The following DCAF6 variants were observed in gnomAD, a reference collection of about 807,000 sequenced individuals.
DCAF6 encodes DDB1 and CUL4 associated factor 6, also known as DDB1- and CUL4-associated factor 6.
In DCAF6, 54 loss-of-function variants were observed where a neutral mutation model predicts 125.1. The observed-to-expected ratio is 0.43, with a 90% confidence interval of 0.35 to 0.54. DCAF6 has a LOEUF of 0.54. DCAF6 is among the 20% of genes least tolerant of loss of function. The probability of loss-of-function intolerance (pLI) is 0.01; values close to 1 mark genes in which losing one functional copy is unlikely to be tolerated. For synonymous variants in DCAF6, 371 were observed against 390.4 expected, an observed-to-expected ratio of 0.95 and a Z score of 0.58; for missense variants, 934 against 1,161.7, an observed-to-expected ratio of 0.80 and a Z score of 2.85.
the DCAF6 span, chr1:167,878,321 C>T: frequency 9.3e-7 from 1 of 1,075,480 alleles, no homozygotes. Flanking sequence ...GGGCCTTGGT[C>T]TGGGGAAAGC....
At chr1:168,051,112 T>G (rs1352611958) in intron 17 of DCAF6, among the ~76,000 whole-genome samples, 179 bp downstream of exon 17, 6 of 152,354 alleles carry the variant, frequency 3.9e-5, no homozygotes, top group Non-Finnish European at 8.8e-5. Flanking sequence ...CTGCATGCAC[T>G]GCATGGGGAT....
intron 3 of DCAF6, among the ~76,000 whole-genome samples, chr1:167,973,115 C>G (rs12073929): frequency 0.14 from 21,137 of 152,102 alleles, 1,956 homozygotes; most frequent in African/African-American, 0.26. Context: ...TCTCTGACAG[C>G]GTTAAAGAAC....
At chr1:167,918,319 T>C in the DCAF6 span, 1 of 1,565,696 alleles carries the variant, frequency 6.4e-7, no homozygotes, top group Non-Finnish European at 8.8e-7. Context: ...GATCAGGAAC[T>C]CTTTTATTTG....
intron 17 of DCAF6, among the ~76,000 whole-genome samples, chr1:168,059,606 A>G (rs913585779): frequency 5.3e-5 from 8 of 152,204 alleles, no homozygotes; most frequent in African/African-American, 1.9e-4. Context: ...AAAATTGTTT[A>G]TCTTTACAAT....
At chr1:167,952,150 T>C (rs1049263060) in intron 2 of DCAF6, among the ~76,000 whole-genome samples, 1 of 152,188 alleles carries the variant, frequency 6.6e-6, no homozygotes, top group Non-Finnish European at 1.5e-5. Context: ...TCTTAGAAAC[T>C]AGACATATCA....
intron 2 of DCAF6, among the ~76,000 whole-genome samples, chr1:167,963,347 A>G (rs866226670): frequency 1.3e-5 from 2 of 150,804 alleles, no homozygotes; most frequent in East Asian, 1.9e-4. Flanking sequence ...AATATTTCCT[A>G]TATTTGTTAA....
At chr1:167,979,304 A>G (rs1424865641) in intron 4 of DCAF6, among the ~76,000 whole-genome samples, 1 of 152,196 alleles carries the variant, frequency 6.6e-6, no homozygotes, top group Non-Finnish European at 1.5e-5. Flanking sequence ...CCAAATACAT[A>G]TACACACTTT....
In DCAF6 at chr1:168,003,863, G is replaced by A. The variant is rs747082953; in HGVS notation, c.998-7G>A. The A allele has an allele frequency of 6.2e-7, 1 of 1,608,540 alleles. No homozygotes were observed. The highest frequency in any genetic ancestry group is 1.7e-5 in the Admixed American group (1 of 59,772). On this transcript the variant is annotated splice_polypyrimidine_tract_variant and splice_region_variant and intron_variant, in intron 8 of 21. Transcript: ENST00000367840. The stretch of plus-strand genomic sequence containing the variant: ...TAAACTCACTGATAAGACCTATATT[G>A]TAATAGGAGAGCAGAGTCCCAATGT...
chr1:167,899,460 A>G, the DCAF6 span: 5 of 1,614,086 alleles, frequency 3.1e-6, no homozygotes, highest in Non-Finnish European at 4.2e-6. Flanking sequence ...CTCAATTTCA[A>G]TCATGCTCCG....
At chr1:168,074,193 C>T (rs1042199888) in intron 21 of DCAF6, among the ~76,000 whole-genome samples, 1 of 151,844 alleles carries the variant, frequency 6.6e-6, no homozygotes, top group African/African-American at 2.4e-5. Context: ...CATATAGTCC[C>T]TTCAGTGTAC....
chr1:168,043,022 T>C lies in DCAF6; in HGVS notation c.1728-3T>C. 6.3e-7 allele frequency: 1 copy of C among 1,592,808 alleles called. No individual in the cohort carries two copies. Among genetic ancestry groups the C allele is most frequent in the Non-Finnish European group, 8.6e-7 (1 of 1,163,058 alleles). Reference sequence around the variant, plus strand: ...GGAATCACTTATCTTGTTTTGATGATAGGAGCAGTATAGCATCAAGTTCTA... The same window carrying C: ...GGAATCACTTATCTTGTTTTGATGACAGGAGCAGTATAGCATCAAGTTCTA... On this transcript the variant is annotated splice_polypyrimidine_tract_variant and splice_region_variant and intron_variant, in intron 13 of 21. Transcript: ENST00000367840.
At chr1:167,918,989 T>C in the DCAF6 span, among the ~76,000 whole-genome samples, 46 of 152,304 alleles carry the variant, frequency 3.0e-4, no homozygotes, top group African/African-American at 1.1e-3. Context: ...TACAAGAACG[T>C]GACAAACTTG....
intron 2 of DCAF6, among the ~76,000 whole-genome samples, chr1:167,952,185 A>G (rs972676753): frequency 5.9e-5 from 9 of 151,522 alleles, no homozygotes; most frequent in African/African-American, 2.2e-4. Flanking sequence ...CTTTTTTTTC[A>G]TACTTTTTTT....
intron 1 of DCAF6, among the ~76,000 whole-genome samples, chr1:167,947,514 C>G (rs1673256102): frequency 6.6e-6 from 1 of 151,830 alleles, no homozygotes. Flanking sequence ...TTGCTGTGTT[C>G]TTCTTAGCAC....
chr1:167,951,879 C>A lies in DCAF6; in HGVS notation c.159+18C>A. 6.4e-7 allele frequency: 1 copy of A among 1,573,232 alleles called. No individual in the cohort carries two copies. The highest frequency in any genetic ancestry group is 8.7e-7 in the Non-Finnish European group (1 of 1,144,920). The stretch of plus-strand genomic sequence containing the variant: ...ATGGTTGTGTAAGTAATAGTTAATT[C>A]TCAACTCTGAAGGGATTTGATACTA... On this transcript the variant is annotated intron_variant, in intron 2 of 21. Coordinates refer to ENST00000367840, the MANE Select transcript of DCAF6 (RefSeq NM_001198956.2).
At chr1:167,919,907 C>CAAAA in the DCAF6 span, 5 of 885,032 alleles carry the variant, frequency 5.6e-6, no homozygotes, top group Admixed American at 2.9e-5. Context: ...GACCCCGTCT[C>CAAAA]AAAAAAAAAA....
At chr1:167,981,538 C>A (rs560921106) in intron 4 of DCAF6, among the ~76,000 whole-genome samples, 1 of 152,152 alleles carries the variant, frequency 6.6e-6, no homozygotes, top group African/African-American at 2.4e-5. Context: ...TTTCTCCCTC[C>A]CTGCTCTACT....
intron 13 of DCAF6, 110 bp from the exon 14 acceptor site, chr1:168,042,915 T>G: frequency 1.5e-6 from 1 of 648,258 alleles, no homozygotes; most frequent in South Asian, 2.2e-5. Flanking sequence ...AAATCCTACA[T>G]TTTACTTGTG....
the DCAF6 span, chr1:167,894,038 G>A: frequency 1.5e-5 from 12 of 812,988 alleles, no homozygotes; most frequent in African/African-American, 2.0e-4. Flanking sequence ...CTTGGGCAGT[G>A]GGCCTTCTTG....
Sources: gnomAD v4.1 joint callset for allele counts (sites outside exome capture counted in the v4.1 genomes callset) on GRCh38, gnomAD v4.1.1 for gene constraint, MANE v1.5 for transcripts, NCBI Gene and HGNC (gene_info 2026-07-23, HGNC 2026-07-21) for gene names.